The following NTMT2 variants were observed in gnomAD, a reference collection of about 807,000 sequenced individuals.
NTMT2 encodes N-terminal Xaa-Pro-Lys N-methyltransferase 2, also known as X-Pro-Lys N-terminal protein methyltransferase 1B.
A neutral mutation model predicts 23.4 loss-of-function variants in NTMT2; 21 were observed. The ratio of observed to expected loss-of-function variants is 0.90; its 90% confidence interval spans 0.64 to 1.29. The LOEUF (loss-of-function observed/expected upper bound fraction) is 1.29, where lower values mean the gene tolerates loss of function less well. Among genes scored for constraint, NTMT2 ranks in the 50% most tolerant of loss-of-function variants. The pLI is 0.00. For synonymous variants in NTMT2, 131 were observed against 127.7 expected (o/e 1.03, Z -0.17); for missense variants, 336 against 352.0 (o/e 0.95, Z 0.36).
chr1:170,166,430 C>T (rs1300279808), intron 2 of NTMT2, 72 bp from the exon 3 acceptor site: 56 of 1,516,568 alleles, frequency 3.7e-5, no homozygotes, highest in Non-Finnish European at 4.6e-5. Context: ...CGTGAGCCAC[C>T]GCGCCCGGCC....
chr1:170,150,047 C>G (rs185019355), intron 1 of NTMT2, among the ~76,000 whole-genome samples: 65 of 152,278 alleles, frequency 4.3e-4, no homozygotes, highest in African/African-American at 1.3e-3. Flanking sequence ...AAAATAAAGT[C>G]CTTCTTTCAA....
At position 170,146,218 on chromosome 1, in the gene NTMT2, C is replaced by T; in HGVS notation, c.111C>T (p.Asp37=). ...SFILHKAIRN[D]FFQSYLYLLE... is the part of the protein sequence containing the mutation. ...TCCTTCACAAAGCCATTCGCAATGA[C>T]TTCTTTCAGAGCTATCTCTACCTGC... Residue 37 remains aspartate, a synonymous_variant, in exon 1 of 4, where the codon GAC becomes GAT. Coordinates refer to ENST00000439373, the MANE Select transcript of NTMT2 (RefSeq NM_001136107.2). 1 of 1,550,940 alleles carries T rather than the reference C, an allele frequency of 6.4e-7. No individual in the cohort carries two copies. Among genetic ancestry groups the T allele is most frequent in the Non-Finnish European group, 8.7e-7 (1 of 1,146,900 alleles).
intron 1 of NTMT2, chr1:170,157,964 T>C (rs545516947): frequency 5.3e-5 from 8 of 152,168 alleles, no homozygotes; most frequent in Non-Finnish European, 8.8e-5. Flanking sequence ...CTGATTTCTT[T>C]CCAGATCTGA....
chr1:170,161,875 G>A (rs767404843), intron 2 of NTMT2, among the ~76,000 whole-genome samples: 2 of 152,084 alleles, frequency 1.3e-5, no homozygotes, highest in African/African-American at 2.4e-5. Flanking sequence ...GGTGAATCAC[G>A]AGGTCAGAGT....
At chr1:170,161,496 G>C (rs191195164) in intron 2 of NTMT2, 34 of 152,072 alleles carry the variant, frequency 2.2e-4, no homozygotes, top group Admixed American at 2.2e-3. Context: ...ATATTGTAGG[G>C]GTCAAAATTT....
chr1:170,148,175 G>T (rs1673003966), intron 1 of NTMT2, among the ~76,000 whole-genome samples: 1 of 120,560 alleles, frequency 8.3e-6, no homozygotes, highest in African/African-American at 3.1e-5. Context: ...TTGAGATGGA[G>T]TCTCACTGTG....
chr1:170,152,748 G>A (rs894613592), intron 1 of NTMT2, among the ~76,000 whole-genome samples: 2 of 152,176 alleles, frequency 1.3e-5, no homozygotes, highest in Non-Finnish European at 2.9e-5. Flanking sequence ...ATATAATGAG[G>A]AGGGTAACAT....
At chr1:170,157,327 GATTT>G (rs1377606081) in intron 1 of NTMT2, among the ~76,000 whole-genome samples, 1 of 152,038 alleles carries the variant, frequency 6.6e-6, no homozygotes, top group Non-Finnish European at 1.5e-5. Flanking sequence ...ACTTTTAAAA[GATTT>G]ATATTTTTAA....
chr1:170,154,694 C>G (rs930449876), intron 1 of NTMT2, among the ~76,000 whole-genome samples: 4 of 151,166 alleles, frequency 2.6e-5, no homozygotes, highest in African/African-American at 9.7e-5. Flanking sequence ...TGGAGGAACT[C>G]ATCTCCAGAT....
chr1:170,151,172 T>A (rs1190427114), intron 1 of NTMT2, among the ~76,000 whole-genome samples: 1 of 152,066 alleles, frequency 6.6e-6, no homozygotes, highest in South Asian at 2.1e-4. Flanking sequence ...TTCTTTTCTA[T>A]GTGATATTAA....
Position 170,159,157 on chromosome 1 carries a change from T to G in NTMT2, c.155-1361T>G, listed in dbSNP as rs1244812338. 2.0e-5 allele frequency among the ~76,000 whole-genome samples: 3 copies of G among 152,166 alleles called. No homozygotes were observed. The East Asian group carries it at 5.8e-4, about 29-fold the overall frequency. ...AAAGGAAGACAAGAAGCCCTACATG[T>G]GCAGGTAGATTTTACCAGATTCTGA... On this transcript the variant is annotated intron_variant, in intron 1 of 3. Transcript: ENST00000439373.
intron 3 of NTMT2, 66 bp from the exon 4 acceptor site, chr1:170,167,420 C>T (rs1571829301): frequency 2.2e-6 from 3 of 1,373,276 alleles, no homozygotes; most frequent in Non-Finnish European, 3.0e-6. Context: ...CATGTTCTTC[C>T]CTACTCACCT....
At position 170,148,142 on chromosome 1, in the gene NTMT2, C is replaced by CTTTTTTTT. The variant is rs371620511; in HGVS notation, c.154+1898_154+1905dup. On this transcript the variant is annotated intron_variant, in intron 1 of 3. Coordinates refer to ENST00000439373, the MANE Select transcript of NTMT2 (RefSeq NM_001136107.2). Reference sequence around the variant, plus strand: ...CTTACCACTGTCTCCTGAGGCACTCCTTTTTTTTTTTTTTTTTTTTTTTTG... The same window carrying CTTTTTTTT: ...CTTACCACTGTCTCCTGAGGCACTCCTTTTTTTTTTTTTTTTTTTTTTTTTTTTTTTTG... Among the ~76,000 whole-genome samples, 22 of 74,556 alleles carry CTTTTTTTT rather than the reference C, an allele frequency of 3.0e-4. 2 individuals are homozygous for CTTTTTTTT. Among genetic ancestry groups the CTTTTTTTT allele is most frequent in the Admixed American group, 6.9e-4 (3 of 4,366 alleles). The allele number at this position is 74,556 out of a possible 152,430, so 48.9% of individuals were successfully genotyped here.
chr1:170,158,513 C>G (rs1673207471), intron 1 of NTMT2, among the ~76,000 whole-genome samples: 1 of 151,732 alleles, frequency 6.6e-6, no homozygotes, highest in Non-Finnish European at 1.5e-5. Flanking sequence ...ACTACTCTTT[C>G]TGTTTTGAAA....
intron 2 of NTMT2, among the ~76,000 whole-genome samples, chr1:170,165,412 A>T (rs1673360956): frequency 6.6e-6 from 1 of 152,166 alleles, no homozygotes; most frequent in Admixed American, 6.5e-5. Flanking sequence ...GTACCAAAAA[A>T]ACCCAGAAAA....
At chr1:170,155,351 A>C (rs1187723864) in intron 1 of NTMT2, among the ~76,000 whole-genome samples, 1 of 152,022 alleles carries the variant, frequency 6.6e-6, no homozygotes, top group Non-Finnish European at 1.5e-5. Context: ...GTCTTACTCC[A>C]ACTTTTTCCT....
rs1200968436 is a variant in NTMT2, at chr1:170,146,229, G to A, written c.122G>A (p.Ser41Asn). Reference protein sequence around the residue: ...HKAIRNDFFQSYLYLLEKIPL... With the variant: ...HKAIRNDFFQNYLYLLEKIPL... ...GCCATTCGCAATGACTTCTTTCAGA[G>A]CTATCTCTACCTGCTGGAAAAAATT... The change falls in exon 1 of 4, where the codon AGC (serine) becomes AAC (asparagine). Residue 41 changes from serine to asparagine, a missense_variant. Coordinates refer to ENST00000439373, the MANE Select transcript of NTMT2 (RefSeq NM_001136107.2). 1.2e-5 allele frequency: 19 copies of A among 1,550,604 alleles called. No homozygotes were observed. The highest frequency in any genetic ancestry group is 3.9e-5 in the Admixed American group (2 of 50,786).
At chr1:170,160,468 T>C in intron 1 of NTMT2, 50 bp from the exon 2 acceptor site, 2 of 1,378,618 alleles carry the variant, frequency 1.5e-6, no homozygotes, top group Non-Finnish European at 1.9e-6. Flanking sequence ...AAAGCTGAGA[T>C]TTTTTTATCT....
chr1:170,167,627 A>T lies in NTMT2; in HGVS notation c.722A>T (p.Asp241Val), dbSNP rs773166059. 6.4e-7 allele frequency: 1 copy of T among 1,551,686 alleles called. No homozygotes were observed. The highest frequency in any genetic ancestry group is 1.2e-5 in the South Asian group (1 of 84,054). The change falls in exon 4 of 4, where the codon GAC (aspartate) becomes GTC (valine). Residue 241 changes from aspartate (D) to valine (V), a missense_variant. Transcript: ENST00000439373. ...CTCTCTGACAGCAGTGTGACTCGGG[A>T]CATGGACATCCTCCGGAGCCTAATA... ...LDLSDSSVTR[D>V]MDILRSLIRK... is the part of the protein sequence containing the mutation.
Sources: allele counts gnomAD v4.1 joint callset (sites outside exome capture counted in the v4.1 genomes callset), GRCh38; gene constraint gnomAD v4.1.1; transcripts MANE v1.5; gene names NCBI Gene and HGNC (gene_info 2026-07-23, HGNC 2026-07-21).